MYLK3: variants seen among roughly 807,000 people sequenced by gnomAD.
The protein encoded by MYLK3 is MLC kinase.
MYLK3 carries 55 observed loss-of-function variants against 76.3 expected under a neutral mutation model. The observed-to-expected ratio is 0.72, with a 90% CI of 0.58 to 0.90. MYLK3 has a LOEUF of 0.90. Ranked by LOEUF, MYLK3 falls within the 40% of genes least tolerant of loss-of-function variation. The probability of loss-of-function intolerance (pLI) is 0.00; values close to 1 mark genes in which losing one functional copy is unlikely to be tolerated. For synonymous variants in MYLK3, 416 were observed against 425.4 expected (o/e 0.98, Z 0.27); for missense variants, 973 against 1,053.6 (o/e 0.92, Z 1.06).
At chr16:46,720,199 C>G (rs1477702004) in intron 9 of MYLK3, among the ~76,000 whole-genome samples, 1 of 152,040 alleles carries the variant, frequency 6.6e-6, no homozygotes, top group Non-Finnish European at 1.5e-5. Context: ...AAATAATATA[C>G]AATGTTTACT....
chr16:46,720,286 T>C (rs1379656710), intron 9 of MYLK3, among the ~76,000 whole-genome samples: 1 of 152,124 alleles, frequency 6.6e-6, no homozygotes, highest in Admixed American at 6.5e-5. Context: ...TGATTTTGGC[T>C]CACTGCAGGC....
At chr16:46,740,635 G>A (rs1338562883) in intron 1 of MYLK3, among the ~76,000 whole-genome samples, 2 of 145,204 alleles carry the variant, frequency 1.4e-5, no homozygotes, top group South Asian at 2.1e-4. Context: ...CACTGCAACC[G>A]CTGCCTCCCA....
At chr16:46,760,297 C>T (rs538685606) in intron 1 of MYLK3, among the ~76,000 whole-genome samples, 1 of 152,358 alleles carries the variant, frequency 6.6e-6, no homozygotes, top group East Asian at 1.9e-4. Flanking sequence ...ACACGCGCAG[C>T]TTTGGGACCC....
intron 1 of MYLK3, chr16:46,757,422 C>G: frequency 1.0e-6 from 1 of 985,450 alleles, no homozygotes; most frequent in Non-Finnish European, 1.2e-6. Context: ...CTGCCCTTAC[C>G]GCAAATATCT....
rs1645939 is a variant in MYLK3 at position 46,707,133 on chromosome 16, T to C, written c.*571A>G. The C allele has an allele frequency of 0.99, 150,090 of 152,346 alleles. 73,957 individuals carry two copies. The highest frequency in any genetic ancestry group is 1 in the East Asian group (5,188 of 5,188). 9.4% of individuals were successfully genotyped at this position (152,346 alleles called of 1,614,324 possible). A position where few individuals can be genotyped will look rare whatever the true frequency, so the allele number is the denominator to read the frequency against. On this transcript the variant is annotated 3_prime_UTR_variant, in exon 13 of 13. Transcript: ENST00000394809. ...AAGCACAGTCAAAATGATCACTTCT[T>C]TGATTTGGCTATGAGAGTTGACATA...
chr16:46,756,281 T>G (rs577337012), intron 1 of MYLK3, among the ~76,000 whole-genome samples: 1 of 152,218 alleles, frequency 6.6e-6, no homozygotes, highest in Non-Finnish European at 1.5e-5. Flanking sequence ...TTTACAGTCA[T>G]AGTAAAGTAA....
At chr16:46,731,487 A>G (rs187070024) in intron 4 of MYLK3, among the ~76,000 whole-genome samples, 5 of 152,306 alleles carry the variant, frequency 3.3e-5, no homozygotes, top group African/African-American at 1.2e-4. Context: ...GGCTGGAAGG[A>G]AGTTGGCTCG....
At position 46,747,785 on chromosome 16, in the gene MYLK3, C is replaced by T. The variant is rs200646785; in HGVS notation, c.409G>A (p.Val137Met). ...CGCCCCTGCATGAGGAAATCCGCCA[C>T]CTTTGATTTCTGGAACGTGGCCCCC... ...LVGATFQKSK[V>M]ADFLMQGRVP... The change falls in exon 1 of 13, where the codon GTG (valine) becomes ATG (methionine). Residue 137 changes from valine to methionine, a missense_variant. By Grantham distance (21) the Val-to-Met change is conservative. Coordinates refer to ENST00000394809, the MANE Select transcript of MYLK3 (RefSeq NM_182493.3). The T allele has an allele frequency of 1.2e-6, 2 of 1,614,226 alleles. No individual in the cohort carries two copies. The highest frequency in any genetic ancestry group is 2.2e-5 in the East Asian group (1 of 44,888).
intron 1 of MYLK3, among the ~76,000 whole-genome samples, chr16:46,742,837 A>G (rs189178857): frequency 1.7e-3 from 255 of 152,280 alleles, no homozygotes; most frequent in African/African-American, 5.7e-3. Flanking sequence ...CTCGGCAGAC[A>G]GCTCCCCCTT....
In MYLK3 at chr16:46,727,312, A is replaced by C. The variant is rs370527121; in HGVS notation, c.1838T>G (p.Val613Gly). Residue 613 changes from valine to glycine, a missense_variant, in exon 8 of 13, where the codon GTG becomes GGG. Physicochemically the swap from Val to Gly is moderately radical, Grantham distance 109. Around this residue, in one of 2 missense-constraint regions of MYLK3, gnomAD observed 332 missense variants for 416.6 expected, o/e 0.80. Coordinates refer to ENST00000394809, the MANE Select transcript of MYLK3 (RefSeq NM_182493.3). ...DEKYHLTELDVVLFTRQICEG... is the reference protein window; with the variant it reads ...DEKYHLTELDGVLFTRQICEG... ...ACAGATCTGCCTGGTGAACAGGACC[A>C]CATCCAGCTCAGTCAGGTGGTACTT... The C allele has an allele frequency of 3.7e-6, 6 of 1,613,996 alleles. No individual in the cohort carries two copies. Among genetic ancestry groups the C allele is most frequent in the Non-Finnish European group, 5.1e-6 (6 of 1,179,964 alleles).
intron 3 of MYLK3, among the ~76,000 whole-genome samples, chr16:46,737,317 A>G (rs1486569871): frequency 6.6e-6 from 1 of 152,176 alleles, no homozygotes; most frequent in African/African-American, 2.4e-5. Flanking sequence ...TGCCCAGCCA[A>G]TGGCCAGCTC....
chr16:46,729,739 A>T (rs1032265638), intron 5 of MYLK3, 52 bp from the exon 6 acceptor site: 1 of 1,532,818 alleles, frequency 6.5e-7, no homozygotes, highest in Non-Finnish European at 9.0e-7. Flanking sequence ...CTCATCCCAC[A>T]CCCATCCCTG....
At chr16:46,760,036 A>C (rs1967256169) in intron 1 of MYLK3, among the ~76,000 whole-genome samples, 1 of 152,194 alleles carries the variant, frequency 6.6e-6, no homozygotes, top group Non-Finnish European at 1.5e-5. Context: ...CAGAAGACTC[A>C]ATTATGCTTA....
chr16:46,712,839 C>T (rs772090324), intron 9 of MYLK3, 63 bp from the exon 10 acceptor site: 11 of 1,444,834 alleles, frequency 7.6e-6, no homozygotes, highest in Non-Finnish European at 1.0e-5. Context: ...GGTGCTGGGG[C>T]TCATTTCTGG....
chr16:46,737,064 CCTT>C (rs1966871803), intron 3 of MYLK3, among the ~76,000 whole-genome samples: 2 of 152,226 alleles, frequency 1.3e-5, no homozygotes, highest in African/African-American at 4.8e-5. Flanking sequence ...AGGGCCCTGT[CCTT>C]CTCTCCCCAC....
At chr16:46,747,687 T>C (rs772282532) in intron 1 of MYLK3, 30 bp downstream of exon 1, 2 of 1,589,292 alleles carry the variant, frequency 1.3e-6, no homozygotes, top group South Asian at 2.3e-5. Flanking sequence ...GGGCCTCCCA[T>C]CCAGCCAGGG....
chr16:46,727,440 G>A, intron 7 of MYLK3, 63 bp from the exon 8 acceptor site: 1 of 1,532,534 alleles, frequency 6.5e-7, no homozygotes, highest in Non-Finnish European at 8.8e-7. Flanking sequence ...CTTGTCCACT[G>A]TCATTATAGG....
At chr16:46,731,605 C>T (rs1966852645) in intron 4 of MYLK3, among the ~76,000 whole-genome samples, 2 of 152,122 alleles carry the variant, frequency 1.3e-5, no homozygotes, top group Admixed American at 1.3e-4. Flanking sequence ...GAGGGTGTGA[C>T]CCTAGGGCTG....
intron 1 of MYLK3, among the ~76,000 whole-genome samples, chr16:46,740,738 G>A (rs1427027259): frequency 2.0e-5 from 3 of 151,800 alleles, no homozygotes; most frequent in Non-Finnish European, 2.9e-5. Context: ...TTTTAGTAGA[G>A]ACAGGGTTTC....
Sources: gnomAD v4.1 joint callset for allele counts (sites outside exome capture counted in the v4.1 genomes callset) on GRCh38, gnomAD v4.1.1 for gene constraint, gnomAD v4.1.1 regional missense constraint, MANE v1.5 for transcripts, NCBI Gene and HGNC (gene_info 2026-07-23, HGNC 2026-07-21) for gene names.